Variants in DOCK4 observed in about 807,000 individuals in gnomAD.
The protein encoded by DOCK4 is dedicator of cytokinesis 4.
DOCK4 carries 97 observed loss-of-function variants against 268.1 expected under a neutral mutation model. The observed-to-expected ratio is 0.36, with a 90% confidence interval of 0.31 to 0.43. The LOEUF is 0.43. Ranked by LOEUF, DOCK4 falls within the 20% of genes least tolerant of loss-of-function variation. The pLI is 1.00. For synonymous variants in DOCK4, 954 were observed against 887.2 expected, an observed-to-expected ratio of 1.08 and a Z score of -1.34; for missense variants, 2,145 against 2,455.7, an observed-to-expected ratio of 0.87 and a Z score of 2.67.
At position 111,770,223 on chromosome 7, in the gene DOCK4, CA is replaced by C. The variant is rs756689437; in HGVS notation, c.3680-547del. On this transcript the variant is annotated intron_variant, in intron 36 of 52. Coordinates refer to ENST00000428084, the MANE Select transcript of DOCK4 (RefSeq NM_001363540.2). ...AGCCAGAGAGGAGCTGAGTGAAGAC[CA>C]AAAAAAAAAAAAAAAAGAAAAAGAA... 9.9e-3 allele frequency among the ~76,000 whole-genome samples: 689 copies of C among 69,504 alleles called. 2 individuals carry two copies. The highest frequency in any genetic ancestry group is 0.023 in the African/African-American group (538 of 23,542). The allele number at this position is 69,504 out of a possible 152,430, so 45.6% of individuals were successfully genotyped here. A position where few individuals can be genotyped will look rare whatever the true frequency, so the allele number is the denominator to read the frequency against.
intron 23 of DOCK4, among the ~76,000 whole-genome samples, chr7:111,852,603 A>G (rs1160066721): frequency 6.6e-6 from 1 of 152,184 alleles, no homozygotes; most frequent in Non-Finnish European, 1.5e-5. Flanking sequence ...ATGTTCCTTC[A>G]GCTAGGGGGA....
intron 30 of DOCK4, among the ~76,000 whole-genome samples, chr7:111,799,933 G>A (rs1008507581): frequency 1.3e-5 from 2 of 152,094 alleles, no homozygotes; most frequent in Non-Finnish European, 2.9e-5. Flanking sequence ...TATACACTGT[G>A]TCACCCACAA....
rs374007614 is a variant in DOCK4 at position 111,915,832 on chromosome 7, G to C, written c.1139C>G (p.Ser380Cys). 1.9e-6 allele frequency: 3 copies of C among 1,612,480 alleles called. No individual in the cohort carries two copies. The South Asian group carries it at 3.3e-5, about 18-fold the overall frequency. Residue 380 changes from serine (S) to cysteine (C), a missense_variant, in exon 13 of 53, where the codon TCT (serine) becomes TGT (cysteine). Transcript: ENST00000428084. Reference protein sequence around the residue: ...QIRREYSSVFSHGVSITRKLG... With the variant: ...QIRREYSSVFCHGVSITRKLG... ...CTTCCTTGTTATGGATACTCCATGA[G>C]AAAATACTGATGAATATTCCCTTCT...
At chr7:112,061,739 TCACACACACACACA>T (rs61696712) in intron 1 of DOCK4, among the ~76,000 whole-genome samples, 131 of 137,218 alleles carry the variant, frequency 9.5e-4, no homozygotes, top group Admixed American at 3.3e-3. Context: ...ATTAACAATG[TCACACACACACACA>T]CACACACACA....
chr7:112,069,042 T>C (rs1403021245), intron 1 of DOCK4, among the ~76,000 whole-genome samples: 2 of 152,194 alleles, frequency 1.3e-5, no homozygotes, highest in Admixed American at 1.3e-4. Flanking sequence ...AAGAAGTAAA[T>C]GTGCTTGACA....
In DOCK4 at chr7:112,206,314, G is replaced by A. The variant is rs1587066371; in HGVS notation, c.-176C>T. On this transcript the variant is annotated 5_prime_UTR_variant, in exon 1 of 53. Transcript: ENST00000428084. ...CTCCCGAGCCCAGCGTTGACACTGCGCCGCCCGCAGCTCTCCCGGCGGCGG... is the reference window on the plus strand; with the variant it reads ...CTCCCGAGCCCAGCGTTGACACTGCACCGCCCGCAGCTCTCCCGGCGGCGG... 1.6e-6 allele frequency: 1 copy of A among 643,834 alleles called. No individual in the cohort carries two copies. The highest frequency in any genetic ancestry group is 2.6e-6 in the Non-Finnish European group (1 of 379,416). The allele number at this position is 643,834 out of a possible 1,614,324, so 39.9% of individuals were successfully genotyped here.
At chr7:111,770,127 T>TAAAGGGCTGA (rs1292262642) in intron 36 of DOCK4, among the ~76,000 whole-genome samples, 8 of 139,206 alleles carry the variant, frequency 5.7e-5, no homozygotes, top group Non-Finnish European at 1.2e-4. Flanking sequence ...TTTGGGATAA[T>TAAAGGGCTGA]AAAGGGCTGA....
chr7:111,900,565 AG>A, intron 14 of DOCK4, 29 bp from the exon 15 acceptor site: 5 of 1,593,370 alleles, frequency 3.1e-6, no homozygotes, highest in Non-Finnish European at 4.3e-6. Context: ...CACAGGTTAA[AG>A]AGAGCTTCAT....
chr7:111,976,155 A>ATATATAT (rs1378581490), intron 8 of DOCK4, among the ~76,000 whole-genome samples: 997 of 73,452 alleles, frequency 0.014, 102 homozygotes, highest in African/African-American at 0.056. Context: ...AAAAAAAAAA[A>ATATATAT]AAAAAAATAT....
At chr7:112,114,378 TG>T (rs1471037912) in intron 1 of DOCK4, among the ~76,000 whole-genome samples, 1 of 152,254 alleles carries the variant, frequency 6.6e-6, no homozygotes, top group East Asian at 1.9e-4. Context: ...TTTGCATTTT[TG>T]CTTGAAAGTT....
chr7:111,836,231 G>A lies in DOCK4; in HGVS notation c.2737-1545C>T, dbSNP rs1441799207. Among the ~76,000 whole-genome samples, 5 of 151,132 alleles carry A rather than the reference G, an allele frequency of 3.3e-5. No individual in the cohort carries two copies. The East Asian group carries it at 7.8e-4, about 24-fold the overall frequency. On this transcript the variant is annotated intron_variant, in intron 25 of 52. Transcript: ENST00000428084. ...TTTTTTTTTTAATACCAGCCAGACT[G>A]GAAAAACCTCACAATTAATAAGGCA...
At chr7:111,907,805 T>C (rs1791717006) in intron 13 of DOCK4, among the ~76,000 whole-genome samples, 1 of 152,200 alleles carries the variant, frequency 6.6e-6, no homozygotes, top group African/African-American at 2.4e-5. Flanking sequence ...CTCCACTCAC[T>C]GCAGCCTCAA....
In DOCK4 at chr7:111,769,544, G is replaced by T. The variant is rs753869554; in HGVS notation, c.3813C>A (p.Asn1271Lys). The change falls in exon 37 of 53, where the codon AAC becomes AAA. Residue 1271 changes from asparagine to lysine, a missense_variant. Physicochemically the swap from Asn to Lys is moderately conservative, Grantham distance 94 (BLOSUM62 0). This residue lies in a region of DOCK4 where 1,598 missense variants were observed against 1,986.7 expected (regional missense o/e 0.80). Transcript: ENST00000428084. ...GGCCACTTACTTTGCCTCTGTCAAA[G>T]TTCTGGATGATGGTGAGGTGCAGGT... ...KEHLHLTIIQ[N>K]FDRGKCWENG... 1 of 1,613,754 alleles carries T rather than the reference G, an allele frequency of 6.2e-7. No individual in the cohort carries two copies. Among genetic ancestry groups the T allele is most frequent in the Admixed American group, 1.7e-5 (1 of 60,022 alleles).
intron 1 of DOCK4, among the ~76,000 whole-genome samples, chr7:112,202,580 T>TA (rs1276780071): frequency 6.6e-6 from 1 of 152,000 alleles, no homozygotes; most frequent in African/African-American, 2.4e-5. Flanking sequence ...ACACCATAAA[T>TA]ATATACAGCT....
intron 1 of DOCK4, among the ~76,000 whole-genome samples, chr7:112,158,867 T>C (rs908425428): frequency 2.0e-5 from 3 of 152,250 alleles, no homozygotes; most frequent in South Asian, 2.1e-4. Context: ...GTATTTTAAA[T>C]ATTCCTTGCC....
intron 1 of DOCK4, among the ~76,000 whole-genome samples, chr7:112,004,768 C>T (rs572115376): frequency 6.6e-6 from 1 of 152,136 alleles, no homozygotes; most frequent in African/African-American, 2.4e-5. Flanking sequence ...AAACACACAG[C>T]CACCACAATT....
Position 111,977,280 on chromosome 7 carries a change from C to T in DOCK4, c.553G>A (p.Glu185Lys), listed in dbSNP as rs200874104. Reference protein sequence around the residue: ...ISITELYRLMEHRHRKKDTPV... With the variant: ...ISITELYRLMKHRHRKKDTPV... Reference sequence around the variant, plus strand: ...GTGTCTTTCTTCCGATGTCGATGTTCCATCTGAATGACACCCCCCAACAAA... The same window carrying T: ...GTGTCTTTCTTCCGATGTCGATGTTTCATCTGAATGACACCCCCCAACAAA... The change falls in exon 8 of 53, where the codon GAA becomes AAA. Residue 185 changes from glutamate (E) to lysine (K), a missense_variant. Glu to Lys is a moderately conservative substitution (Grantham distance 56). Around this residue, in one of 2 missense-constraint regions of DOCK4, gnomAD observed 1,598 missense variants for 1,986.7 expected, o/e 0.80. Transcript: ENST00000428084. The T allele has an allele frequency of 1.2e-5, 19 of 1,592,848 alleles. No individual in the cohort carries two copies. Among genetic ancestry groups the T allele is most frequent in the Non-Finnish European group, 4.3e-6 (5 of 1,169,182 alleles).
chr7:112,002,103 T>G (rs1800473576), intron 2 of DOCK4, among the ~76,000 whole-genome samples: 1 of 152,222 alleles, frequency 6.6e-6, no homozygotes, highest in African/African-American at 2.4e-5. Flanking sequence ...ATTTGAGCTT[T>G]GTATTTAAAC....
Position 111,739,237 on chromosome 7 carries a change from G to A in DOCK4, c.5129C>T (p.Pro1710Leu). 1 of 1,613,672 alleles carries A rather than the reference G, an allele frequency of 6.2e-7. No homozygotes were observed. Among genetic ancestry groups the A allele is most frequent in the Non-Finnish European group, 8.5e-7 (1 of 1,179,554 alleles). ...ATGTTTGTGTTTGTCAGACAACAAA[G>A]GAGAAGCTGGGAAGAGAAGGAGAGA... ...SSAPSSARAS[P>L]LLSDKHKHSR... Residue 1710 changes from proline to leucine, a missense_variant, in exon 49 of 53, where the codon CCT (proline) becomes CTT (leucine). Around this residue, in one of 2 missense-constraint regions of DOCK4, gnomAD observed 547 missense variants for 469.0 expected, o/e 1.17. Transcript: ENST00000428084.
Sources: allele counts gnomAD v4.1 joint callset (sites outside exome capture counted in the v4.1 genomes callset), GRCh38; gene constraint gnomAD v4.1.1; regional missense constraint gnomAD v4.1.1; transcripts MANE v1.5; gene names NCBI Gene and HGNC (gene_info 2026-07-23, HGNC 2026-07-21).